EEIG2: variants seen among roughly 807,000 people sequenced by gnomAD.
EEIG2 encodes family with sequence similarity 102 member B.
chr1:108,593,987 T>C, the EEIG2 span, among the ~76,000 whole-genome samples: 23,103 of 151,796 alleles, frequency 0.15, 2,814 homozygotes, highest in African/African-American at 0.34. Flanking sequence ...TATATTTTTT[T>C]TGTAGAGATG....
At chr1:108,607,085 A>T in the EEIG2 span, among the ~76,000 whole-genome samples, 14 of 152,364 alleles carry the variant, frequency 9.2e-5, no homozygotes, top group Non-Finnish European at 1.5e-4. Context: ...TTCCTATGTT[A>T]CAAAACAAGG....
chr1:108,618,974 T>C, the EEIG2 span, among the ~76,000 whole-genome samples: 1 of 152,242 alleles, frequency 6.6e-6, no homozygotes, highest in Non-Finnish European at 1.5e-5. Context: ...AATTTTGCTA[T>C]ACTATTTTTG....
the EEIG2 span, among the ~76,000 whole-genome samples, chr1:108,561,359 C>T: frequency 6.6e-6 from 1 of 152,132 alleles, no homozygotes; most frequent in South Asian, 2.1e-4. Flanking sequence ...CCCTAAGGTG[C>T]TTTCTTTAAA....
chr1:108,625,747 A>C, the EEIG2 span: 1 of 146,684 alleles, frequency 6.8e-6, no homozygotes, highest in Non-Finnish European at 1.5e-5. Flanking sequence ...CTCTGCCCCA[A>C]ATATAGATAC....
the EEIG2 span, among the ~76,000 whole-genome samples, chr1:108,573,894 G>A: frequency 0.021 from 3,231 of 152,296 alleles, 50 homozygotes; most frequent in Non-Finnish European, 0.031. Context: ...AATAACAAGT[G>A]TTGGCAATGA....
chr1:108,560,123 GGC>G, the EEIG2 span: 1 of 145,062 alleles, frequency 6.9e-6, no homozygotes, highest in African/African-American at 3.6e-5. Context: ...CGGCGGCGGA[GGC>G]GGCGGCGGCG....
At chr1:108,562,767 T>C in the EEIG2 span, among the ~76,000 whole-genome samples, 1 of 152,150 alleles carries the variant, frequency 6.6e-6, no homozygotes, top group Non-Finnish European at 1.5e-5. Flanking sequence ...AGAAGGTCCA[T>C]TTGCTTGAGA....
the EEIG2 span, among the ~76,000 whole-genome samples, chr1:108,606,496 T>G: frequency 6.6e-6 from 1 of 152,336 alleles, no homozygotes; most frequent in South Asian, 2.1e-4. Context: ...CTAGTTTGCA[T>G]TAAGCCATAG....
the EEIG2 span, among the ~76,000 whole-genome samples, chr1:108,617,028 G>A: frequency 6.6e-6 from 1 of 152,170 alleles, no homozygotes; most frequent in Non-Finnish European, 1.5e-5. Context: ...AAGTCACACT[G>A]GCATTAGGGG....
the EEIG2 span, among the ~76,000 whole-genome samples, chr1:108,594,850 T>C: frequency 6.6e-6 from 1 of 152,328 alleles, no homozygotes; most frequent in South Asian, 2.1e-4. Flanking sequence ...CCTGTCCATA[T>C]TTATAATGCT....
At chr1:108,562,627 C>A in the EEIG2 span, among the ~76,000 whole-genome samples, 1 of 152,150 alleles carries the variant, frequency 6.6e-6, no homozygotes, top group South Asian at 2.1e-4. Flanking sequence ...CCCAAAACTT[C>A]TGTATGTAAA....
At chr1:108,599,945 G>C in the EEIG2 span, among the ~76,000 whole-genome samples, 1 of 152,146 alleles carries the variant, frequency 6.6e-6, no homozygotes, top group African/African-American at 2.4e-5. Context: ...GCAGTGAGCG[G>C]AGATCACACC....
the EEIG2 span, among the ~76,000 whole-genome samples, chr1:108,577,948 G>T: frequency 6.7e-6 from 1 of 150,000 alleles, no homozygotes; most frequent in Non-Finnish European, 1.5e-5. Context: ...ATGTTCTTCC[G>T]TTTGTTTGTA....
chr1:108,567,629 T>C, the EEIG2 span, among the ~76,000 whole-genome samples: 2 of 152,250 alleles, frequency 1.3e-5, no homozygotes, highest in Non-Finnish European at 2.9e-5. Context: ...GGTTCCAATA[T>C]GTGACATCAC....
chr1:108,580,539 G>A, the EEIG2 span, among the ~76,000 whole-genome samples: 1 of 152,120 alleles, frequency 6.6e-6, no homozygotes, highest in Non-Finnish European at 1.5e-5. Flanking sequence ...TGAATGCAAA[G>A]GAAAGGTTGT....
the EEIG2 span, among the ~76,000 whole-genome samples, chr1:108,573,540 C>T: frequency 6.6e-6 from 1 of 152,080 alleles, no homozygotes; most frequent in Non-Finnish European, 1.5e-5. Context: ...TCCAATAAAT[C>T]CAAGAATTTG....
the EEIG2 span, among the ~76,000 whole-genome samples, chr1:108,598,038 T>G: frequency 6.6e-6 from 1 of 151,994 alleles, no homozygotes; most frequent in Non-Finnish European, 1.5e-5. Context: ...GAAGCAATAA[T>G]AAAAAATTCT....
chr1:108,621,387 A>G, the EEIG2 span, among the ~76,000 whole-genome samples: 1 of 152,220 alleles, frequency 6.6e-6, no homozygotes, highest in African/African-American at 2.4e-5. Context: ...CTTTACTATC[A>G]GTCCCCATAG....
the EEIG2 span, among the ~76,000 whole-genome samples, chr1:108,587,964 C>T: frequency 2.0e-5 from 3 of 152,078 alleles, no homozygotes. Flanking sequence ...TGATATTTGT[C>T]TTTCTGTGCC....
Sources: allele counts gnomAD v4.1 joint callset (sites outside exome capture counted in the v4.1 genomes callset), GRCh38; gene constraint gnomAD v4.1.1; transcripts MANE v1.5; gene names NCBI Gene and HGNC (gene_info 2026-07-23, HGNC 2026-07-21).